Variants in ERCC4 observed in about 807,000 individuals in gnomAD.
ERCC4 encodes ERCC excision repair 4, endonuclease catalytic subunit.
A neutral mutation model predicts 76.9 loss-of-function variants in ERCC4; 65 were observed. The ratio of observed to expected loss-of-function variants is 0.84; its 90% CI spans 0.69 to 1.04. The LOEUF is 1.04. Ranked by LOEUF, ERCC4 falls within the 50% of genes least tolerant of loss-of-function variation. The probability of loss-of-function intolerance (pLI) is 0.00; values close to 1 mark genes in which losing one functional copy is unlikely to be tolerated. For missense variants in ERCC4, 1,214 were observed against 1,128.2 expected (o/e 1.08, Z -1.09); for synonymous variants, 463 against 410.1 (o/e 1.13, Z -1.56).
chr16:13,924,150 C>T (rs1009198916), intron 2 of ERCC4, among the ~76,000 whole-genome samples: 3 of 152,176 alleles, frequency 2.0e-5, no homozygotes, highest in Admixed American at 1.3e-4. Context: ...GATCATCCCC[C>T]AGGACTGACC....
At chr16:13,930,462 A>C (rs1482422669) in intron 4 of ERCC4, among the ~76,000 whole-genome samples, 1 of 152,186 alleles carries the variant, frequency 6.6e-6, no homozygotes, top group Non-Finnish European at 1.5e-5. Flanking sequence ...AGATTCTAGC[A>C]GTAAGACATT....
Position 13,932,197 on chromosome 16 carries a change from T to C in ERCC4, c.1014T>C (p.Asn338=). ...ACTCCAGCACCTCGATGTTTATAAA[T>C]GCTCGAGCAAGGGTTTATCATCTTC... ...FLDSSTSMFI[N]ARARVYHLPD... The change falls in exon 6 of 11, where the codon AAT becomes AAC. Residue 338 remains asparagine (N), a synonymous_variant. Transcript: ENST00000311895. 1 of 1,613,348 alleles carries C rather than the reference T, an allele frequency of 6.2e-7. No homozygotes were observed. The highest frequency in any genetic ancestry group is 1.1e-5 in the South Asian group (1 of 91,060).
chr16:13,945,703 T>G (rs1280731162), intron 10 of ERCC4, among the ~76,000 whole-genome samples: 1 of 152,208 alleles, frequency 6.6e-6, no homozygotes, highest in African/African-American at 2.4e-5. Context: ...TGGACCATAC[T>G]TTGGGAAACA....
intron 9 of ERCC4, among the ~76,000 whole-genome samples, chr16:13,942,476 A>G (rs1187450086): frequency 1.3e-5 from 2 of 152,238 alleles, no homozygotes; most frequent in Non-Finnish European, 2.9e-5. Flanking sequence ...AGAGATTACC[A>G]CGTTATAAGA....
intron 2 of ERCC4, chr16:13,922,426 C>T (rs1168858281): frequency 5.3e-6 from 4 of 760,520 alleles, no homozygotes; most frequent in Non-Finnish European, 7.2e-6. Context: ...AGATCGATTC[C>T]TGACTACTTT....
At chr16:13,939,259 G>A (rs2032366726) in intron 9 of ERCC4, among the ~76,000 whole-genome samples, 2 of 152,298 alleles carry the variant, frequency 1.3e-5, no homozygotes, top group South Asian at 4.1e-4. Flanking sequence ...TATTTATTAA[G>A]CATCTGGTAT....
In ERCC4 at chr16:13,937,850, A is replaced by G. The variant is rs546230479; in HGVS notation, c.1896A>G (p.Lys632=). Residue 632 remains lysine, a synonymous_variant, in exon 9 of 11, where the codon AAA becomes AAG. Transcript: ENST00000311895. The part of the protein sequence containing the change: ...ALRKEKEAFE[K]LIREKASMVV... ...GGAAAGAAAAGGAAGCTTTTGAAAAACTCATAAGGTAATACATAGAAAATC... is the reference window on the plus strand; with the variant it reads ...GGAAAGAAAAGGAAGCTTTTGAAAAGCTCATAAGGTAATACATAGAAAATC... 3 of 1,606,662 alleles carry G rather than the reference A, an allele frequency of 1.9e-6. No homozygotes were observed. The highest frequency in any genetic ancestry group is 1.3e-5 in the African/African-American group (1 of 74,838).
chr16:13,926,535 G>T, intron 2 of ERCC4, 26 bp from the exon 3 acceptor site: 1 of 1,600,200 alleles, frequency 6.2e-7, no homozygotes, highest in Non-Finnish European at 8.6e-7. Flanking sequence ...CTGTTCTGTA[G>T]TTTAAATTAT....
At chr16:13,923,736 A>G (rs1476599311) in intron 2 of ERCC4, among the ~76,000 whole-genome samples, 2 of 152,238 alleles carry the variant, frequency 1.3e-5, no homozygotes, top group Non-Finnish European at 2.9e-5. Context: ...CTGGTACACA[A>G]CAAACTCTTA....
At chr16:13,925,963 T>G (rs990951014) in intron 2 of ERCC4, among the ~76,000 whole-genome samples, 3 of 152,204 alleles carry the variant, frequency 2.0e-5, no homozygotes, top group African/African-American at 7.2e-5. Context: ...TGTATAAGTA[T>G]GTCGATTGAA....
Position 13,948,074 on chromosome 16 carries a change from G to T in ERCC4, c.2478G>T (p.Ala826=), listed in dbSNP as rs1417783312. The T allele has an allele frequency of 1.2e-6, 2 of 1,613,978 alleles. No individual in the cohort carries two copies. Among genetic ancestry groups the T allele is most frequent in the Non-Finnish European group, 1.7e-6 (2 of 1,180,036 alleles). Residue 826 remains alanine, a synonymous_variant, in exon 11 of 11, where the codon GCG becomes GCT. Coordinates refer to ENST00000311895, the MANE Select transcript of ERCC4 (RefSeq NM_005236.3). ...LKQSKPQPDA[A]TALAITADSE... is the part of the protein sequence containing the mutation. ...AAAGCAAGCCACAGCCTGATGCGGC[G>T]ACAGCACTGGCCATTACAGCAGATT...
At chr16:13,935,040 A>G in intron 7 of ERCC4, 106 bp from the exon 8 acceptor site, 1 of 873,182 alleles carries the variant, frequency 1.1e-6, no homozygotes, top group Non-Finnish European at 1.9e-6. Flanking sequence ...GATCTTTAAT[A>G]CCAAAGGGTA....
Position 13,949,757 on chromosome 16 carries a change from A to G in ERCC4, c.*1410A>G, listed in dbSNP as rs766219203. 3 of 232,274 alleles carry G rather than the reference A, an allele frequency of 1.3e-5. No individual in the cohort carries two copies. The highest frequency in any genetic ancestry group is 2.6e-5 in the Non-Finnish European group (3 of 117,550). 14.4% of individuals were successfully genotyped at this position (232,274 alleles called of 1,614,324 possible). A position where few individuals can be genotyped will look rare whatever the true frequency, so the allele number is the denominator to read the frequency against. On this transcript the variant is annotated 3_prime_UTR_variant, in exon 11 of 11. Transcript: ENST00000311895. The stretch of plus-strand genomic sequence containing the variant: ...AGTTTTTAAACTTTTATATTTAAAC[A>G]TTATTAAGTTGGCTTTTGTTCACAT...
At chr16:13,922,584 C>G (rs898743388) in intron 2 of ERCC4, 2 of 677,068 alleles carry the variant, frequency 3.0e-6, no homozygotes, top group African/African-American at 3.5e-5. Flanking sequence ...TGGCTTTATC[C>G]TTGGGCACAC....
chr16:13,934,544 G>T, intron 7 of ERCC4: 1 of 471,172 alleles, frequency 2.1e-6, no homozygotes, highest in South Asian at 2.2e-5. Flanking sequence ...TTGAATCATT[G>T]TATATTCATG....
At chr16:13,926,092 G>A (rs755422067) in intron 2 of ERCC4, among the ~76,000 whole-genome samples, 2 of 151,934 alleles carry the variant, frequency 1.3e-5, no homozygotes. Context: ...TGGCTATTTT[G>A]TATAGTCCAC....
At chr16:13,926,125 A>C (rs1342053992) in intron 2 of ERCC4, among the ~76,000 whole-genome samples, 1 of 152,186 alleles carries the variant, frequency 6.6e-6, no homozygotes, top group Non-Finnish European at 1.5e-5. Context: ...CATTAAAAAA[A>C]AAAAATTCAT....
rs1850541477 is a variant in ERCC4 at position 13,951,781 on chromosome 16, G to A, written c.*3434G>A. On this transcript the variant is annotated 3_prime_UTR_variant, in exon 11 of 11. Coordinates refer to ENST00000311895, the MANE Select transcript of ERCC4 (RefSeq NM_005236.3). Reference sequence around the variant, plus strand: ...AGAGGCATTACTGGTCTTTCCTTTTGTTTTGCAAGCATAATTTGATTTTCC... The same window carrying A: ...AGAGGCATTACTGGTCTTTCCTTTTATTTTGCAAGCATAATTTGATTTTCC... 1 of 221,554 alleles carries A rather than the reference G, an allele frequency of 4.5e-6. No individual in the cohort carries two copies. Among genetic ancestry groups the A allele is most frequent in the Admixed American group, 5.8e-5 (1 of 17,332 alleles). 13.7% of individuals were successfully genotyped at this position (221,554 alleles called of 1,614,324 possible). A position where few individuals can be genotyped will look rare whatever the true frequency, so the allele number is the denominator to read the frequency against.
chr16:13,922,085 G>A lies in ERCC4; in HGVS notation c.262G>A (p.Val88Ile), dbSNP rs2031987778. The A allele has an allele frequency of 6.2e-7, 1 of 1,613,876 alleles. No homozygotes were observed. The highest frequency in any genetic ancestry group is 8.5e-7 in the Non-Finnish European group (1 of 1,179,840). Residue 88 changes from valine (V) to isoleucine (I), a missense_variant, in exon 2 of 11, where the codon GTA becomes ATA. By Grantham distance (29) the Val-to-Ile change is conservative. Coordinates refer to ENST00000311895, the MANE Select transcript of ERCC4 (RefSeq NM_005236.3). ...AGGAGTTGAACACCTCCCTCGCCGT[G>A]TAACAAATGAAATCACAAGCAACAG... ...IEGVEHLPRR[V>I]TNEITSNSRY...
Sources: gnomAD v4.1 joint callset for allele counts (sites outside exome capture counted in the v4.1 genomes callset) on GRCh38, gnomAD v4.1.1 for gene constraint, MANE v1.5 for transcripts, NCBI Gene and HGNC (gene_info 2026-07-23, HGNC 2026-07-21) for gene names.